The following SORCS2 variants were observed in gnomAD, a reference collection of about 807,000 sequenced individuals.
The protein encoded by SORCS2 is sortilin related VPS10 domain containing receptor 2, also known as VPS10 domain-containing receptor SorCS2.
In SORCS2, 100 loss-of-function variants were observed where a neutral mutation model predicts 141.6. The ratio of observed to expected loss-of-function variants is 0.71; its 90% CI spans 0.60 to 0.83. The LOEUF (loss-of-function observed/expected upper bound fraction) is 0.83. Ranked by LOEUF, SORCS2 falls within the 40% of genes least tolerant of loss-of-function variation. The probability of loss-of-function intolerance (pLI) is 0.00; values close to 1 mark genes in which losing one functional copy is unlikely to be tolerated. For synonymous variants in SORCS2, 789 were observed against 676.9 expected (o/e 1.17, Z -2.57); for missense variants, 1,646 against 1,560.2 (o/e 1.05, Z -0.93).
At chr4:7,636,766 G>T (rs551318194) in intron 3 of SORCS2, among the ~76,000 whole-genome samples, 2 of 151,946 alleles carry the variant, frequency 1.3e-5, no homozygotes, top group South Asian at 4.2e-4. Flanking sequence ...CACGATTCCC[G>T]GTTGGAGGAG....
intron 9 of SORCS2, among the ~76,000 whole-genome samples, chr4:7,680,666 A>G (rs1723471185): frequency 6.6e-6 from 1 of 152,338 alleles, no homozygotes; most frequent in Middle Eastern, 3.4e-3. Context: ...GATTTGCCAC[A>G]TGTATGGCGT....
At chr4:7,576,807 G>A (rs576047162) in intron 3 of SORCS2, among the ~76,000 whole-genome samples, 1 of 152,326 alleles carries the variant, frequency 6.6e-6, no homozygotes, top group South Asian at 2.1e-4. Flanking sequence ...CCAGACAGGT[G>A]CTGTAAGAAC....
chr4:7,361,475 C>T (rs144429115), intron 1 of SORCS2, among the ~76,000 whole-genome samples: 632 of 152,286 alleles, frequency 4.2e-3, no homozygotes, highest in Non-Finnish European at 6.6e-3. Context: ...TCAGTGCAGC[C>T]GGGAGAGAGA....
intron 3 of SORCS2, among the ~76,000 whole-genome samples, chr4:7,635,775 G>A (rs79126181): frequency 0.039 from 5,919 of 152,164 alleles, 147 homozygotes; most frequent in Non-Finnish European, 0.062. Context: ...ACCTTCGTCC[G>A]CATTTCAGGG....
chr4:7,554,569 A>G (rs1341181159), intron 3 of SORCS2, among the ~76,000 whole-genome samples: 2 of 152,104 alleles, frequency 1.3e-5, no homozygotes, highest in African/African-American at 4.8e-5. Flanking sequence ...TTCAGCAAAC[A>G]CCATTAAAGT....
intron 2 of SORCS2, chr4:7,433,619 C>T (rs757650922): frequency 1.2e-6 from 2 of 1,611,420 alleles, no homozygotes; most frequent in African/African-American, 2.7e-5. Flanking sequence ...TTGAAGGCCA[C>T]CAGGATGTCT....
At chr4:7,542,747 G>A (rs903412270) in intron 3 of SORCS2, among the ~76,000 whole-genome samples, 1 of 152,242 alleles carries the variant, frequency 6.6e-6, no homozygotes, top group Non-Finnish European at 1.5e-5. Flanking sequence ...TCAGAGCAAT[G>A]ATCAGCGATG....
intron 2 of SORCS2, among the ~76,000 whole-genome samples, chr4:7,422,283 T>C (rs1174356046): frequency 6.6e-6 from 1 of 152,150 alleles, no homozygotes; most frequent in Non-Finnish European, 1.5e-5. Context: ...CCTCGGGCCA[T>C]GCCGTTCTCT....
intron 1 of SORCS2, among the ~76,000 whole-genome samples, chr4:7,327,258 G>A (rs974705719): frequency 2.0e-5 from 3 of 152,212 alleles, no homozygotes; most frequent in African/African-American, 7.2e-5. Flanking sequence ...CAGGAGTCAG[G>A]AGGCTTTGGG....
chr4:7,347,879 AT>A (rs1720727691), intron 1 of SORCS2, among the ~76,000 whole-genome samples: 1 of 152,208 alleles, frequency 6.6e-6, no homozygotes, highest in South Asian at 2.1e-4. Context: ...AATTAATGAG[AT>A]TACACATGAT....
intron 1 of SORCS2, among the ~76,000 whole-genome samples, chr4:7,208,232 G>C (rs1354274320): frequency 6.6e-6 from 1 of 152,120 alleles, no homozygotes; most frequent in African/African-American, 2.4e-5. Flanking sequence ...TTCTGAGCTG[G>C]GGCAGGTGGG....
At chr4:7,631,393 C>G (rs1364776525) in intron 3 of SORCS2, among the ~76,000 whole-genome samples, 1 of 151,284 alleles carries the variant, frequency 6.6e-6, no homozygotes, top group African/African-American at 2.4e-5. Flanking sequence ...CCTGGCCAGG[C>G]AGGGAGGGGG....
Position 7,233,735 on chromosome 4 carries a change from G to A in SORCS2, c.480+40609G>A, listed in dbSNP as rs141571743. On this transcript the variant is annotated intron_variant, in intron 1 of 26. Transcript: ENST00000507866. The surrounding 1 kb of genome is among the most constrained non-coding windows in gnomAD (Gnocchi z 4.5). ...CCAGGCCATCCTGCATCTGAGTCCT[G>A]TCTCTGGCTCTGCCCACCTGGGCCT... 9.2e-5 allele frequency among the ~76,000 whole-genome samples: 14 copies of A among 152,264 alleles called. No homozygotes were observed. The East Asian group carries it at 2.3e-3, about 25-fold the overall frequency.
chr4:7,440,508 C>T (rs1400700687), intron 2 of SORCS2, among the ~76,000 whole-genome samples: 1 of 152,252 alleles, frequency 6.6e-6, no homozygotes, highest in Non-Finnish European at 1.5e-5. Context: ...ACCTTGTGTA[C>T]ACAGTGCCAC....
intron 3 of SORCS2, among the ~76,000 whole-genome samples, chr4:7,550,863 T>A (rs1326338922): frequency 1.3e-5 from 2 of 152,224 alleles, no homozygotes; most frequent in African/African-American, 4.8e-5. Context: ...GAGCCCTTTT[T>A]CCATCTGTCT....
rs1444869818 is a variant in SORCS2, at chr4:7,373,651, C to T, written c.481-22637C>T. 2.0e-5 allele frequency among the ~76,000 whole-genome samples: 3 copies of T among 150,836 alleles called. No individual in the cohort carries two copies. In the East Asian group the frequency reaches 5.9e-4, roughly 30 times the overall value. On this transcript the variant is annotated intron_variant, in intron 1 of 26. Transcript: ENST00000507866. ...GGGATTACAGGCCACACTACCATGT[C>T]CAATTAATTTTTGTATTTTTAGTAG... is the stretch of plus-strand genomic sequence containing the variant.
At chr4:7,376,709 G>A (rs1722679225) in intron 1 of SORCS2, among the ~76,000 whole-genome samples, 1 of 152,204 alleles carries the variant, frequency 6.6e-6, no homozygotes, top group Admixed American at 6.5e-5. Context: ...GTCTTTGTGG[G>A]TTTATACATA....
chr4:7,465,413 G>C (rs1729556666), intron 2 of SORCS2, among the ~76,000 whole-genome samples: 1 of 152,222 alleles, frequency 6.6e-6, no homozygotes, highest in African/African-American at 2.4e-5. Flanking sequence ...CTGGCTGGGA[G>C]GGGAGGGTGA....
intron 1 of SORCS2, among the ~76,000 whole-genome samples, chr4:7,270,397 CT>C (rs1362364859): frequency 6.6e-6 from 1 of 152,256 alleles, no homozygotes; most frequent in African/African-American, 2.4e-5. Flanking sequence ...TAAACCCCGG[CT>C]CCGGGAAGCC....
Sources: gnomAD v4.1 joint callset for allele counts (sites outside exome capture counted in the v4.1 genomes callset) on GRCh38, gnomAD v4.1.1 for gene constraint, Gnocchi (gnomAD v3.1) non-coding constraint, MANE v1.5 for transcripts, NCBI Gene and HGNC (gene_info 2026-07-23, HGNC 2026-07-21) for gene names.